Variants in IRGM observed in about 807,000 individuals in gnomAD.
IRGM encodes immunity related GTPase M.
For missense variants in IRGM, 288 were observed against 219.9 expected (o/e 1.31, Z -1.96); for synonymous variants, 98 against 80.6 (o/e 1.22, Z -1.16).
intron 1 of IRGM, among the ~76,000 whole-genome samples, chr5:150,868,183 T>C (rs947354884): frequency 3.3e-5 from 5 of 152,198 alleles, no homozygotes; most frequent in African/African-American, 1.2e-4. Context: ...TTCATTCTTC[T>C]ACATGTGACT....
intron 3 of IRGM, among the ~76,000 whole-genome samples, chr5:150,886,163 T>G (rs1354009769): frequency 6.6e-6 from 1 of 152,152 alleles, no homozygotes; most frequent in Non-Finnish European, 1.5e-5. Context: ...GAGATAATCA[T>G]GTGGCTTTTG....
intron 3 of IRGM, chr5:150,895,871 C>G (rs1754747506): frequency 6.2e-7 from 1 of 1,613,536 alleles, no homozygotes; most frequent in African/African-American, 1.3e-5. Context: ...TATGAACTAA[C>G]TGATGTGTAA....
At chr5:150,896,741 T>C (rs1754800552) in intron 3 of IRGM, 1 of 1,613,494 alleles carries the variant, frequency 6.2e-7, no homozygotes, top group African/African-American at 1.3e-5. Context: ...TTTTCCCCAG[T>C]GGATTATATT....
intron 1 of IRGM, among the ~76,000 whole-genome samples, chr5:150,863,066 T>A (rs1754159256): frequency 1.3e-5 from 2 of 152,126 alleles, no homozygotes; most frequent in African/African-American, 4.8e-5. Flanking sequence ...TGGAATGGAA[T>A]GATAATAAAA....
Position 150,856,963 on chromosome 5 carries a change from C to T in IRGM, c.158+8309C>T, listed in dbSNP as rs868362811. Among the ~76,000 whole-genome samples, 148 of 149,448 alleles carry T rather than the reference C, an allele frequency of 9.9e-4. 1 individual carries two copies. Among genetic ancestry groups the T allele is most frequent in the African/African-American group, 3.3e-3 (134 of 40,612 alleles). On this transcript the variant is annotated intron_variant and NMD_transcript_variant, in intron 1 of 3. Coordinates refer to the IRGM transcript ENST00000520549. ...TATTTTATTATACTTTAAGGTTTAGCGTACATGTGCACAATGTGCAGGTTT... is the reference window on the plus strand; with the variant it reads ...TATTTTATTATACTTTAAGGTTTAGTGTACATGTGCACAATGTGCAGGTTT...
chr5:150,898,129 T>C lies in IRGM; in HGVS notation c.*141-2460T>C, dbSNP rs149060458. 295 of 1,613,704 alleles carry C rather than the reference T, an allele frequency of 1.8e-4. 1 individual carries two copies. The African/African-American group carries it at 3.7e-3, about 20-fold the overall frequency. The stretch of plus-strand genomic sequence containing the variant: ...TTGATATGTCTCCCTTTATGATCCA[T>C]GGCTCTTCTCCTTGTTCCAACTTGG... On this transcript the variant is annotated intron_variant and NMD_transcript_variant, in intron 3 of 3. Transcript: ENST00000520549.
chr5:150,889,026 T>C (rs1754567201), intron 3 of IRGM, among the ~76,000 whole-genome samples: 1 of 152,108 alleles, frequency 6.6e-6, no homozygotes. Flanking sequence ...CTATTGCAAG[T>C]AGTATTGTTT....
chr5:150,898,980 A>AGGTATTTAGGGTGAGGTATTTAGGG, intron 3 of IRGM, among the ~76,000 whole-genome samples: 1 of 152,100 alleles, frequency 6.6e-6, no homozygotes, highest in Non-Finnish European at 1.5e-5. Context: ...ACCTAGCCAT[A>AGGTATTTAGGGTGAGGTATTTAGGG]TGAGGTATTT....
chr5:150,881,794 A>C (rs1754449713), intron 3 of IRGM, among the ~76,000 whole-genome samples: 1 of 152,204 alleles, frequency 6.6e-6, no homozygotes, highest in South Asian at 2.1e-4. Flanking sequence ...ATAAGTTGCT[A>C]TCCAGTTAAA....
rs1457273026 is a variant in IRGM at position 150,846,757 on chromosome 5, G to C, written c.-879G>C. ...GTAACTCTCACTTCGAAGGTCTGCA[G>C]CTTCGCTCCTGAGTCAGTGAAACCA... is the stretch of plus-strand genomic sequence containing the variant. On this transcript the variant is annotated 5_prime_UTR_variant, in exon 1 of 2. Coordinates refer to ENST00000522154, the MANE Select transcript of IRGM (RefSeq NM_001145805.2). 1 of 152,840 alleles carries C rather than the reference G, an allele frequency of 6.5e-6. No homozygotes were observed. Among genetic ancestry groups the C allele is most frequent in the African/African-American group, 2.4e-5 (1 of 41,434 alleles). 9.5% of individuals were successfully genotyped at this position (152,840 alleles called of 1,614,324 possible).
chr5:150,895,498 T>C lies in IRGM; in HGVS notation c.*141-5091T>C, dbSNP rs145438362. 9.9e-6 allele frequency: 16 copies of C among 1,613,160 alleles called. No homozygotes were observed. The African/African-American group carries it at 1.5e-4, about 15-fold the overall frequency. ...TTCTGGATGAAGGCCTTCCCACATA[T>C]AGCACATTGATAGGGTCTTTCCCCA... On this transcript the variant is annotated intron_variant and NMD_transcript_variant, in intron 3 of 3. Transcript: ENST00000520549.
At position 150,848,173 on chromosome 5, in the gene IRGM, A is replaced by G. The variant is rs1189533418; in HGVS notation, c.50A>G (p.Glu17Gly). The G allele has an allele frequency of 6.4e-7, 1 of 1,551,650 alleles. No individual in the cohort carries two copies. The highest frequency in any genetic ancestry group is 1.2e-5 in the South Asian group (1 of 84,052). Residue 17 changes from glutamate to glycine, a missense_variant, in exon 2 of 2, where the codon GAG (glutamate) becomes GGG (glycine). Transcript: ENST00000522154. Reference protein sequence around the residue: ...EKASADGNLPEVISNIKETLK... With the variant: ...EKASADGNLPGVISNIKETLK... ...GCCTCAGCAGATGGGAACTTGCCAG[A>G]GGTGATCTCTAACATCAAGGAGACT... is the stretch of plus-strand genomic sequence containing the variant.
rs1002255971 is a variant in IRGM at position 150,879,654 on chromosome 5, T to C, written c.*140+8T>C. On this transcript the variant is annotated splice_region_variant and intron_variant and NMD_transcript_variant, in intron 3 of 3. Transcript: ENST00000520549. Reference sequence around the variant, plus strand: ...CACAAGGCCCAGAAATATGTAAGTATTTAGAAACTTTCTACAGTGAAAATA... The same window carrying C: ...CACAAGGCCCAGAAATATGTAAGTACTTAGAAACTTTCTACAGTGAAAATA... The C allele has an allele frequency of 2.6e-5, 4 of 152,160 alleles. No individual in the cohort carries two copies. The highest frequency in any genetic ancestry group is 5.9e-5 in the Non-Finnish European group (4 of 68,030). 9.4% of individuals were successfully genotyped at this position (152,160 alleles called of 1,614,324 possible).
At chr5:150,849,912 A>G (rs1437197226), downstream of IRGM, among the ~76,000 whole-genome samples, 1 of 152,118 alleles carries the variant, frequency 6.6e-6, no homozygotes, top group East Asian at 1.9e-4. Flanking sequence ...GCCACCACAT[A>G]TATTTTATAA....
chr5:150,852,239 C>G (rs1354305098), downstream of IRGM, among the ~76,000 whole-genome samples: 9 of 152,118 alleles, frequency 5.9e-5, no homozygotes, highest in Non-Finnish European at 1.3e-4. Flanking sequence ...TTTTGGTGTA[C>G]TTCTGACATT....
intron 2 of IRGM, among the ~76,000 whole-genome samples, chr5:150,878,269 G>A (rs543092353): frequency 6.6e-6 from 1 of 152,202 alleles, no homozygotes; most frequent in South Asian, 2.1e-4. Context: ...TTCCTGATCT[G>A]TAAAATGGGA....
rs1259520005 is a variant in IRGM at position 150,858,244 on chromosome 5, G to A, written c.158+9590G>A. 8.2e-4 allele frequency among the ~76,000 whole-genome samples: 125 copies of A among 151,986 alleles called. 2 individuals carry two copies. The highest frequency in any genetic ancestry group is 2.8e-3 in the African/African-American group (118 of 41,432). ...AAAGATCAGATAGTTGTAGATATGC[G>A]GCATTATTTCTGAGGGCTCTGTTCT... On this transcript the variant is annotated intron_variant and NMD_transcript_variant, in intron 1 of 3. Coordinates refer to the IRGM transcript ENST00000520549.
chr5:150,892,205 T>C (rs1754620224), intron 3 of IRGM, among the ~76,000 whole-genome samples: 1 of 142,126 alleles, frequency 7.0e-6, no homozygotes, highest in South Asian at 2.2e-4. Context: ...AGTGTTTTTA[T>C]GGAGTTTTTT....
chr5:150,862,843 A>G (rs1226046287), intron 1 of IRGM, among the ~76,000 whole-genome samples: 1 of 152,218 alleles, frequency 6.6e-6, no homozygotes, highest in Admixed American at 6.5e-5. Flanking sequence ...GGACCTGGGA[A>G]GTTAGATCTT....
Sources: allele counts gnomAD v4.1 joint callset (sites outside exome capture counted in the v4.1 genomes callset), GRCh38; gene constraint gnomAD v4.1.1; transcripts MANE v1.5; gene names NCBI Gene and HGNC (gene_info 2026-07-23, HGNC 2026-07-21).